Variants in PCDH15 observed in about 807,000 individuals in gnomAD.
The protein encoded by PCDH15 is protocadherin related 15, also known as protocadherin-15.
A neutral mutation model predicts 178.5 loss-of-function variants in PCDH15; 129 were observed. The ratio of observed to expected loss-of-function variants is 0.72; its 90% CI spans 0.63 to 0.84. The LOEUF (loss-of-function observed/expected upper bound fraction) is 0.84, where lower values mean the gene tolerates loss of function less well. Among genes scored for constraint, PCDH15 ranks in the 40% least tolerant of loss-of-function variants. The probability of loss-of-function intolerance (pLI) is 0.00; values close to 1 mark genes in which losing one functional copy is unlikely to be tolerated. For missense variants in PCDH15, 2,230 were observed against 2,099.9 expected, an observed-to-expected ratio of 1.06 and a Z score of -1.21; for synonymous variants, 800 against 732.0, an observed-to-expected ratio of 1.09 and a Z score of -1.50.
chr10:53,849,548 G>T (rs1293426012), intron 28 of PCDH15, among the ~76,000 whole-genome samples: 1 of 152,024 alleles, frequency 6.6e-6, no homozygotes, highest in African/African-American at 2.4e-5. Flanking sequence ...ATTTGCTTTT[G>T]GTTAACTTTG....
At chr10:55,148,086 G>GA (rs1591942234) in intron 2 of PCDH15, among the ~76,000 whole-genome samples, 1 of 145,312 alleles carries the variant, frequency 6.9e-6, no homozygotes, top group South Asian at 2.3e-4. Flanking sequence ...TATTTTAACA[G>GA]AAAAAAATTC....
intron 2 of PCDH15, among the ~76,000 whole-genome samples, chr10:55,453,003 G>C (rs947328236): frequency 3.3e-5 from 5 of 152,094 alleles, no homozygotes; most frequent in Non-Finnish European, 7.4e-5. Flanking sequence ...CACTATCTCT[G>C]CATTTGTTGA....
At chr10:54,081,972 GAATTTGTTTTAAA>G (rs982220087) in intron 16 of PCDH15, among the ~76,000 whole-genome samples, 1 of 152,116 alleles carries the variant, frequency 6.6e-6, no homozygotes, top group Non-Finnish European at 1.5e-5. Flanking sequence ...GATGAAGGCA[GAATTTGTTTTAAA>G]AAAAGGTAAA....
intron 20 of PCDH15, among the ~76,000 whole-genome samples, chr10:53,998,432 G>T (rs1015472959): frequency 5.9e-5 from 9 of 152,064 alleles, no homozygotes; most frequent in African/African-American, 2.2e-4. Flanking sequence ...GGTGTAGGTA[G>T]CTAACAGGAG....
chr10:53,936,679 C>T (rs1418868525), intron 25 of PCDH15, among the ~76,000 whole-genome samples: 2 of 152,010 alleles, frequency 1.3e-5, no homozygotes, highest in Non-Finnish European at 2.9e-5. Context: ...AATATTAAAT[C>T]TAATCACATC....
chr10:55,068,577 G>C (rs1301716757), intron 2 of PCDH15, among the ~76,000 whole-genome samples: 2 of 151,864 alleles, frequency 1.3e-5, no homozygotes, highest in African/African-American at 4.8e-5. Flanking sequence ...GGCTCTTCTG[G>C]ATATTTTTTT....
At chr10:54,549,122 A>C (rs1797639295) in intron 2 of PCDH15, among the ~76,000 whole-genome samples, 1 of 151,712 alleles carries the variant, frequency 6.6e-6, no homozygotes, top group Admixed American at 6.6e-5. Context: ...TTTAATTATA[A>C]ATTAAATAAT....
At chr10:54,154,584 A>G (rs2133355088) in intron 13 of PCDH15, among the ~76,000 whole-genome samples, 1 of 152,310 alleles carries the variant, frequency 6.6e-6, no homozygotes, top group Non-Finnish European at 1.5e-5. Context: ...CCCATTCAAA[A>G]GTTCATGTTT....
chr10:54,668,584 G>T (rs1236013818), intron 1 of PCDH15, among the ~76,000 whole-genome samples: 1 of 152,098 alleles, frequency 6.6e-6, no homozygotes, highest in Non-Finnish European at 1.5e-5. Flanking sequence ...CCAAAGTCTG[G>T]AAATACACAA....
rs199978794 is a variant in PCDH15, at chr10:53,866,876, A to G, written c.3502-19T>C. The G allele has an allele frequency of 7.8e-4, 1,195 of 1,523,932 alleles. 4 individuals are homozygous for G. In the African/African-American group the frequency reaches 0.014, roughly 18 times the overall value. 94.4% of individuals were successfully genotyped at this position (1,523,932 alleles called of 1,614,324 possible). On this transcript the variant is annotated intron_variant, in intron 26 of 37. Coordinates refer to ENST00000644397, the MANE Select transcript of PCDH15 (RefSeq NM_001384140.1). ...CAGTAGCCTAGACGGAGGGGAAAAAAAAAGAGATTATAATTAAGCAGGAAA... is the reference window on the plus strand; with the variant it reads ...CAGTAGCCTAGACGGAGGGGAAAAAGAAAGAGATTATAATTAAGCAGGAAA...
At chr10:55,001,463 C>T (rs559664516) in intron 2 of PCDH15, among the ~76,000 whole-genome samples, 9 of 152,256 alleles carry the variant, frequency 5.9e-5, no homozygotes, top group East Asian at 3.9e-4. Flanking sequence ...CTCCCCAAGG[C>T]GGGGCTGTGA....
At chr10:54,794,776 C>T (rs1164130962) in intron 1 of PCDH15, among the ~76,000 whole-genome samples, 3 of 151,828 alleles carry the variant, frequency 2.0e-5, no homozygotes, top group African/African-American at 7.2e-5. Flanking sequence ...AAGATAAATT[C>T]AACAACACAT....
At chr10:55,274,596 T>A (rs1488522393) in intron 1 of PCDH15, among the ~76,000 whole-genome samples, 1 of 152,066 alleles carries the variant, frequency 6.6e-6, no homozygotes, top group African/African-American at 2.4e-5. Flanking sequence ...ACCTTAGTCA[T>A]CACTAAAACT....
intron 1 of PCDH15, among the ~76,000 whole-genome samples, chr10:54,737,782 G>A (rs986547338): frequency 6.6e-6 from 1 of 152,082 alleles, no homozygotes; most frequent in Non-Finnish European, 1.5e-5. Flanking sequence ...CAAATTGTGA[G>A]TTAGGCACCT....
chr10:53,877,639 C>G (rs1296984438), intron 26 of PCDH15, among the ~76,000 whole-genome samples: 1 of 152,150 alleles, frequency 6.6e-6, no homozygotes, highest in Non-Finnish European at 1.5e-5. Context: ...TGGCTCCCAC[C>G]TTGCTGTCCC....
intron 2 of PCDH15, among the ~76,000 whole-genome samples, chr10:55,160,682 C>T (rs1340971886): frequency 1.3e-5 from 2 of 151,990 alleles, no homozygotes; most frequent in African/African-American, 4.8e-5. Flanking sequence ...CTTGTTGATG[C>T]AGACTGACTT....
intron 15 of PCDH15, among the ~76,000 whole-genome samples, chr10:54,118,360 A>T (rs2095152587): frequency 6.6e-6 from 1 of 152,074 alleles, no homozygotes; most frequent in South Asian, 2.1e-4. Context: ...AGTTTTCATC[A>T]TATAAAAAAA....
rs147328586 is a variant in PCDH15, at chr10:55,177,242, T to A, written c.-155-10591A>T. On this transcript the variant is annotated intron_variant, in intron 1 of 5. Coordinates refer to the PCDH15 transcript ENST00000458638. ...GAGTATTCTCCAGATTATGGATACCTGGGTATGATGAGATAGCTCATCCCT... is the reference window on the plus strand; with the variant it reads ...GAGTATTCTCCAGATTATGGATACCAGGGTATGATGAGATAGCTCATCCCT... Among the ~76,000 whole-genome samples the A allele has an allele frequency of 5.2e-3, 791 of 152,306 alleles. 9 individuals carry two copies. Among genetic ancestry groups the A allele is most frequent in the African/African-American group, 0.018 (728 of 41,578 alleles).
intron 15 of PCDH15, among the ~76,000 whole-genome samples, chr10:54,108,583 T>C (rs1223131857): frequency 1.3e-5 from 2 of 152,120 alleles, no homozygotes; most frequent in African/African-American, 2.4e-5. Flanking sequence ...GCAACTCCTA[T>C]GCAAGTACTA....
Sources: gnomAD v4.1 joint callset for allele counts (sites outside exome capture counted in the v4.1 genomes callset) on GRCh38, gnomAD v4.1.1 for gene constraint, MANE v1.5 for transcripts, NCBI Gene and HGNC (gene_info 2026-07-23, HGNC 2026-07-21) for gene names.